The following PAOX variants were observed in gnomAD, a reference collection of about 807,000 sequenced individuals.
PAOX encodes peroxisomal N(1)-acetyl-spermine/spermidine oxidase.
In PAOX, 38 loss-of-function variants were observed where a neutral mutation model predicts 39.0. That is an observed-to-expected ratio of 0.97 (90% CI 0.75 to 1.28). The LOEUF is 1.28. Among genes scored for constraint, PAOX ranks in the 50% most tolerant of loss-of-function variants. The pLI is 0.00. For synonymous variants in PAOX, 311 were observed against 314.4 expected (o/e 0.99, Z 0.11); for missense variants, 667 against 685.7 (o/e 0.97, Z 0.30).
At chr10:133,379,787 C>T (rs113597544) in intron 1 of PAOX, 13,844 of 613,710 alleles carry the variant, frequency 0.023, 218 homozygotes, top group Middle Eastern at 0.04. Flanking sequence ...GCCCCTCCCT[C>T]TGGTCCACAC....
rs368369094 is a variant in PAOX at position 133,389,672 on chromosome 10, C to A, written c.1317C>A (p.Tyr439Ter). ...SAPYTRGSYS[Y>*]VAVGSTGGDL... ...CGTACACTAGGGGGTCCTACAGCTACGTGGCCGTGGGCAGTACTGGGGGCG... is the reference window on the plus strand; with the variant it reads ...CGTACACTAGGGGGTCCTACAGCTAAGTGGCCGTGGGCAGTACTGGGGGCG... The change falls in exon 6 of 7, where the codon TAC (tyrosine) becomes TAA (stop). Residue 439 changes from tyrosine (Y) to a stop codon, truncating the protein, a stop_gained. Coordinates refer to ENST00000278060, the MANE Select transcript of PAOX (RefSeq NM_152911.4). LOFTEE classifies it high-confidence loss of function. 1.2e-6 allele frequency: 2 copies of A among 1,612,348 alleles called. No individual in the cohort carries two copies. Among genetic ancestry groups the A allele is most frequent in the Non-Finnish European group, 1.7e-6 (2 of 1,179,294 alleles).
At chr10:133,389,798 C>T (rs776425257) in intron 6 of PAOX, 51 bp downstream of exon 6, 27 of 1,408,244 alleles carry the variant, frequency 1.9e-5, no homozygotes, top group East Asian at 1.7e-4. Flanking sequence ...CAGAGGCCCC[C>T]GCCGAGTCTG....
chr10:133,384,356 T>G lies in PAOX; in HGVS notation c.1121+144T>G, dbSNP rs1589895128. 1 of 1,319,188 alleles carries G rather than the reference T, an allele frequency of 7.6e-7. No homozygotes were observed. Among genetic ancestry groups the G allele is most frequent in the Non-Finnish European group, 1.0e-6 (1 of 966,306 alleles). 81.7% of individuals were successfully genotyped at this position (1,319,188 alleles called of 1,614,324 possible). On this transcript the variant is annotated intron_variant, in intron 4 of 6. Coordinates refer to ENST00000278060, the MANE Select transcript of PAOX (RefSeq NM_152911.4). The surrounding 1 kb of genome is among the most constrained non-coding windows in gnomAD (Gnocchi z 4.3). ...TTCCCATGAGCGCCCCCCCACCAGGTGCTGGCTGCACCTGGGCCTGACCCC... is the reference window on the plus strand; with the variant it reads ...TTCCCATGAGCGCCCCCCCACCAGGGGCTGGCTGCACCTGGGCCTGACCCC...
chr10:133,381,387 G>A (rs925806682), intron 2 of PAOX, 73 bp from the exon 3 acceptor site: 2 of 1,457,676 alleles, frequency 1.4e-6, no homozygotes, highest in Non-Finnish European at 1.9e-6. Context: ...TGGGAACTCA[G>A]AGCACGTATT....
rs1371832985 is a variant in PAOX at position 133,384,131 on chromosome 10, C to T, written c.1040C>T (p.Ser347Leu). 8 of 1,614,084 alleles carry T rather than the reference C, an allele frequency of 5.0e-6. No homozygotes were observed. The African/African-American group carries it at 5.3e-5, about 11-fold the overall frequency. ...ATCCAGCTGGTGTGGGAGGACACGT[C>T]GCCCCTGGAGGATGCTGCCCCTGAG... is the stretch of plus-strand genomic sequence containing the variant. ...QLIQLVWEDTSPLEDAAPELQ... is the reference protein window; with the variant it reads ...QLIQLVWEDTLPLEDAAPELQ... The change falls in exon 4 of 7, where the codon TCG (serine) becomes TTG (leucine). Residue 347 changes from serine to leucine, a missense_variant. Physicochemically the swap from Ser to Leu is moderately radical, Grantham distance 145 (BLOSUM62 -2). Coordinates refer to ENST00000278060, the MANE Select transcript of PAOX (RefSeq NM_152911.4). This position sits in a 1 kb window ranked among gnomAD's most constrained non-coding sequence, Gnocchi z 4.3.
chr10:133,383,584 C>T (rs1418774996), intron 3 of PAOX, among the ~76,000 whole-genome samples: 4 of 137,254 alleles, frequency 2.9e-5, no homozygotes, highest in African/African-American at 1.1e-4. Flanking sequence ...GCTTGGGCGA[C>T]AGAGTGAGAA....
Position 133,381,447 on chromosome 10 carries a change from T to C in PAOX, c.669-13T>C. The C allele has an allele frequency of 6.2e-7, 1 of 1,613,342 alleles. No homozygotes were observed. Among genetic ancestry groups the C allele is most frequent in the Non-Finnish European group, 8.5e-7 (1 of 1,179,704 alleles). On this transcript the variant is annotated splice_polypyrimidine_tract_variant and intron_variant, in intron 2 of 6. Coordinates refer to ENST00000278060, the MANE Select transcript of PAOX (RefSeq NM_152911.4). ...ACTGGGCCTCTACGAAACCAGCACTTCCGTCTTTCTAGGGGCTATCAAGGA... is the reference window on the plus strand; with the variant it reads ...ACTGGGCCTCTACGAAACCAGCACTCCCGTCTTTCTAGGGGCTATCAAGGA...
intron 5 of PAOX, 109 bp from the exon 6 acceptor site, chr10:133,389,481 C>A: frequency 1.4e-6 from 2 of 1,475,224 alleles, no homozygotes; most frequent in Non-Finnish European, 9.3e-7. Flanking sequence ...ACTTTTCTTC[C>A]TGCATAGCAT....
chr10:133,390,822 T>TCCCCC, intron 6 of PAOX: 5 of 536,436 alleles, frequency 9.3e-6, no homozygotes, highest in South Asian at 2.0e-5. Context: ...GACTCCCAGA[T>TCCCCC]CCCTCCCCCA....
intron 3 of PAOX, among the ~76,000 whole-genome samples, chr10:133,382,697 G>A (rs947962101): frequency 2.0e-5 from 3 of 151,658 alleles, no homozygotes; most frequent in Non-Finnish European, 4.4e-5. Flanking sequence ...CAGGAGAATC[G>A]CTTGAACGGG....
At chr10:133,390,410 C>CCACACACACACACACACACA (rs59249557) in intron 6 of PAOX, among the ~76,000 whole-genome samples, 13 of 145,434 alleles carry the variant, frequency 8.9e-5, no homozygotes, top group African/African-American at 3.0e-4. Context: ...GAGTCGGTCT[C>CCACACACACACACACACACA]CACACACACA....
At position 133,384,889 on chromosome 10, in the gene PAOX, C is replaced by G. The variant is rs1849491763; in HGVS notation, c.1121+677C>G. Among the ~76,000 whole-genome samples, 1 of 152,206 alleles carries G rather than the reference C, an allele frequency of 6.6e-6. No individual in the cohort carries two copies. The highest frequency in any genetic ancestry group is 2.4e-5 in the African/African-American group (1 of 41,450). On this transcript the variant is annotated intron_variant, in intron 4 of 6. Coordinates refer to ENST00000278060, the MANE Select transcript of PAOX (RefSeq NM_152911.4). The surrounding 1 kb of genome is among the most constrained non-coding windows in gnomAD (Gnocchi z 4.3). ...GGGATGGGGTGGGATGTAGGGCATGCCTGCCAGATGGTTCATAGTTGCCAT... is the reference window on the plus strand; with the variant it reads ...GGGATGGGGTGGGATGTAGGGCATGGCTGCCAGATGGTTCATAGTTGCCAT...
intron 4 of PAOX, among the ~76,000 whole-genome samples, chr10:133,387,699 T>C (rs1564813457): frequency 6.6e-6 from 1 of 152,230 alleles, no homozygotes; most frequent in Non-Finnish European, 1.5e-5. Flanking sequence ...GAGTGTTCTA[T>C]GCGGATCCCG....
intron 1 of PAOX, chr10:133,379,761 G>A (rs1564809215): frequency 3.7e-6 from 2 of 544,400 alleles, no homozygotes; most frequent in Non-Finnish European, 2.9e-6. Flanking sequence ...CCAGCCCCGG[G>A]GTACGCCCAC....
chr10:133,388,355 TGAAAG>T (rs1589899291), intron 4 of PAOX, among the ~76,000 whole-genome samples: 1 of 152,186 alleles, frequency 6.6e-6, no homozygotes, highest in East Asian at 1.9e-4. Context: ...AGCTCCCACT[TGAAAG>T]GGAAAACATG....
Position 133,391,211 on chromosome 10 carries a change from C to T in PAOX, c.1393-101C>T, listed in dbSNP as rs1009322064. The T allele has an allele frequency of 1.7e-5, 21 of 1,240,798 alleles. No homozygotes were observed. In the Admixed American group the frequency reaches 3.6e-4, roughly 21 times the overall value. 76.9% of individuals were successfully genotyped at this position (1,240,798 alleles called of 1,614,324 possible). A position where few individuals can be genotyped will look rare whatever the true frequency, so the allele number is the denominator to read the frequency against. On this transcript the variant is annotated intron_variant, in intron 6 of 6. Coordinates refer to ENST00000278060, the MANE Select transcript of PAOX (RefSeq NM_152911.4). ...TGGTGGAGGTGTGTGAGCTGTTTTC[C>T]TGCTTCTTGGTGGATGCTTGTGAGC... is the stretch of plus-strand genomic sequence containing the variant.
chr10:133,389,685 A>G lies in PAOX; in HGVS notation c.1330A>G (p.Ser444Gly), dbSNP rs774690598. ...RGSYSYVAVG[S>G]TGGDLDLLAQ... ...GTCCTACAGCTACGTGGCCGTGGGCAGTACTGGGGGCGACCTGGACCTGCT... is the reference window on the plus strand; with the variant it reads ...GTCCTACAGCTACGTGGCCGTGGGCGGTACTGGGGGCGACCTGGACCTGCT... Residue 444 changes from serine (S) to glycine (G), a missense_variant, in exon 6 of 7, where the codon AGT becomes GGT. Ser to Gly is a moderately conservative substitution (Grantham distance 56, BLOSUM62 0). Coordinates refer to ENST00000278060, the MANE Select transcript of PAOX (RefSeq NM_152911.4). The G allele has an allele frequency of 6.2e-7, 1 of 1,610,450 alleles. No homozygotes were observed. Among genetic ancestry groups the G allele is most frequent in the Non-Finnish European group, 8.5e-7 (1 of 1,178,170 alleles).
chr10:133,387,642 G>T (rs1367451958), intron 4 of PAOX, among the ~76,000 whole-genome samples: 1 of 152,244 alleles, frequency 6.6e-6, no homozygotes, highest in African/African-American at 2.4e-5. Context: ...CTGGAATAGC[G>T]TGTGCTAGGT....
At chr10:133,382,467 G>T (rs1849413459) in intron 3 of PAOX, among the ~76,000 whole-genome samples, 1 of 152,184 alleles carries the variant, frequency 6.6e-6, no homozygotes, top group Admixed American at 6.5e-5. Context: ...TCCCAGAGAT[G>T]CAGTCGTCGT....
Sources: gnomAD v4.1 joint callset for allele counts (sites outside exome capture counted in the v4.1 genomes callset) on GRCh38, gnomAD v4.1.1 for gene constraint, Gnocchi (gnomAD v3.1) non-coding constraint, MANE v1.5 for transcripts, NCBI Gene and HGNC (gene_info 2026-07-23, HGNC 2026-07-21) for gene names.